The following CFAP47 variants were observed in gnomAD, a reference collection of about 807,000 sequenced individuals.
CFAP47 encodes cilia- and flagella-associated protein 47.
CFAP47 carries 29 observed loss-of-function variants against 148.1 expected under a neutral mutation model. The observed-to-expected ratio is 0.20, with a 90% CI of 0.15 to 0.27. The LOEUF is 0.27. Ranked by LOEUF, CFAP47 falls within the 10% of genes least tolerant of loss-of-function variation. The probability of loss-of-function intolerance (pLI) is 1.00; values close to 1 mark genes in which losing one functional copy is unlikely to be tolerated. For synonymous variants in CFAP47, 664 were observed against 577.3 expected, an observed-to-expected ratio of 1.15 and a Z score of -2.15; for missense variants, 1,872 against 1,697.5, an observed-to-expected ratio of 1.10 and a Z score of -1.81.
At chrX:35,958,868 A>G (rs1258445299) in intron 8 of CFAP47, among the ~76,000 whole-genome samples, 2 of 111,876 alleles carry the variant, frequency 1.8e-5, no homozygotes, top group Non-Finnish European at 3.8e-5. Flanking sequence ...TTCCAGGTGA[A>G]CCCTATATAC....
At chrX:36,356,843 G>T (rs1343726686) in intron 60 of CFAP47, among the ~76,000 whole-genome samples, 1 of 111,726 alleles carries the variant, frequency 9.0e-6, no homozygotes, top group Non-Finnish European at 1.9e-5. Context: ...TCACATACTT[G>T]TCTTCTCTCA....
chrX:36,348,288 G>A lies in CFAP47; in HGVS notation c.8603G>A (p.Ser2868Asn). The A allele has an allele frequency of 5.1e-6, 5 of 984,148 alleles. No homozygotes were observed. The highest frequency in any genetic ancestry group is 2.0e-5 in the African/African-American group (1 of 49,135). 81.1% of individuals were successfully genotyped at this position (984,148 alleles called of 1,213,427 possible). A position where few individuals can be genotyped will look rare whatever the true frequency, so the allele number is the denominator to read the frequency against. ...NFDELDIKFK[S>N]IVGIDSEEIQ... ...GATGAGTTGGATATAAAATTTAAAA[G>A]GTAACATTTAAATAAAGACATTGAA... The change falls in exon 58 of 64, where the codon AGT becomes AAT. Residue 2868 changes from serine (S) to asparagine (N), a missense_variant and splice_region_variant. Physicochemically the swap from Ser to Asn is conservative, Grantham distance 46. Transcript: ENST00000378653.
intron 45 of CFAP47, among the ~76,000 whole-genome samples, chrX:36,216,064 C>T (rs782282666): frequency 1.1e-4 from 12 of 111,228 alleles, no homozygotes; most frequent in East Asian, 5.7e-4. Flanking sequence ...CAGGGCTGGC[C>T]GCAGTGACAA....
intron 57 of CFAP47, among the ~76,000 whole-genome samples, chrX:36,325,341 C>T (rs1263693808): frequency 1.8e-5 from 2 of 111,243 alleles, no homozygotes; most frequent in African/African-American, 3.3e-5. Context: ...GGAGTTGTGC[C>T]CAAGAACTCA....
chrX:35,954,796 C>T (rs906579551), intron 7 of CFAP47, among the ~76,000 whole-genome samples: 2 of 111,906 alleles, frequency 1.8e-5, no homozygotes, highest in South Asian at 7.4e-4. Context: ...GTCCATTATT[C>T]TAATTATTCT....
chrX:36,043,752 G>T (rs1189113110), intron 25 of CFAP47, among the ~76,000 whole-genome samples: 2 of 112,477 alleles, frequency 1.8e-5, no homozygotes, highest in African/African-American at 6.5e-5. Flanking sequence ...GCTGTTGGTG[G>T]TTCTACCTTT....
intron 33 of CFAP47, among the ~76,000 whole-genome samples, chrX:36,125,555 T>A (rs773486858): frequency 1.8e-5 from 2 of 112,163 alleles, no homozygotes; most frequent in East Asian, 5.6e-4. Flanking sequence ...TAGCATTTTT[T>A]AATATAGAAA....
At chrX:36,036,358 C>A (rs1209233565) in intron 24 of CFAP47, among the ~76,000 whole-genome samples, 9 of 93,145 alleles carry the variant, frequency 9.7e-5, no homozygotes, top group Non-Finnish European at 1.4e-4. Context: ...TAGGTTCAAT[C>A]ATTTTTTTTT....
chrX:36,147,816 T>C (rs947145999), intron 36 of CFAP47, among the ~76,000 whole-genome samples: 3 of 112,483 alleles, frequency 2.7e-5, no homozygotes, highest in Non-Finnish European at 5.6e-5. Flanking sequence ...CCATACCTAC[T>C]GCTACTTTTT....
intron 33 of CFAP47, among the ~76,000 whole-genome samples, chrX:36,117,199 G>A (rs1938656143): frequency 8.9e-6 from 1 of 112,118 alleles, no homozygotes; most frequent in South Asian, 3.7e-4. Context: ...GTTGCGAACA[G>A]AGCTAAAACA....
At chrX:36,207,930 C>T (rs1352225382) in intron 45 of CFAP47, among the ~76,000 whole-genome samples, 1 of 111,885 alleles carries the variant, frequency 8.9e-6, no homozygotes, top group African/African-American at 3.3e-5. Context: ...AAACAAAATG[C>T]TCCGGGCTGG....
At chrX:36,123,549 C>G (rs772688336) in intron 33 of CFAP47, among the ~76,000 whole-genome samples, 1 of 111,688 alleles carries the variant, frequency 9.0e-6, no homozygotes, top group Non-Finnish European at 1.9e-5. Context: ...GGCAGAGGAG[C>G]CTTACCCTGT....
rs1556008310 is a variant in CFAP47, at chrX:36,303,899, A to C, written c.8021A>C (p.Lys2674Thr). The C allele has an allele frequency of 8.7e-7, 1 of 1,149,391 alleles. No homozygotes were observed. The highest frequency in any genetic ancestry group is 2.7e-5 in the Admixed American group (1 of 37,731). The allele number at this position is 1,149,391 out of a possible 1,213,427, so 94.7% of individuals were successfully genotyped here. ...PLVNCTHETLKLQVTNSNPEN... is the reference protein window; with the variant it reads ...PLVNCTHETLTLQVTNSNPEN... ...GTTAATTGTACGCATGAAACCTTAAAATTGCAAGTAACAAACAGTAATCCT... is the reference window on the plus strand; with the variant it reads ...GTTAATTGTACGCATGAAACCTTAACATTGCAAGTAACAAACAGTAATCCT... The change falls in exon 54 of 64, where the codon AAA becomes ACA. Residue 2674 changes from lysine to threonine, a missense_variant. Lys to Thr is a moderately conservative substitution (Grantham distance 78). Coordinates refer to ENST00000378653, the MANE Select transcript of CFAP47 (RefSeq NM_001304548.2).
chrX:36,065,808 A>T (rs2146753782), intron 27 of CFAP47, 65 bp downstream of exon 27: 6 of 578,884 alleles, frequency 1.0e-5, no homozygotes, highest in Non-Finnish European at 1.7e-5. Context: ...AACATCTAGA[A>T]ATAAAGTGAA....
chrX:36,342,754 A>G (rs1188215869), intron 57 of CFAP47, among the ~76,000 whole-genome samples: 2 of 112,003 alleles, frequency 1.8e-5, no homozygotes, highest in Admixed American at 1.9e-4. Context: ...ATTAGAAGAA[A>G]ACATGGGTAG....
At chrX:36,054,354 G>A (rs1937537375) in intron 26 of CFAP47, among the ~76,000 whole-genome samples, 1 of 112,158 alleles carries the variant, frequency 8.9e-6, no homozygotes. Flanking sequence ...TTAAATGTAT[G>A]CTTTATGCTT....
chrX:36,148,901 A>ATGTGTGTGTGTGTGTGTGTGTGTG (rs60968920), intron 36 of CFAP47, among the ~76,000 whole-genome samples: 4 of 92,266 alleles, frequency 4.3e-5, no homozygotes, highest in African/African-American at 1.6e-4. Flanking sequence ...AACTGTATGT[A>ATGTGTGTGTGTGTGTGTGTGTGTG]TGTGTGTGTG....
At chrX:36,353,985 TTTACTC>T (rs1941764719) in intron 60 of CFAP47, among the ~76,000 whole-genome samples, 1 of 111,915 alleles carries the variant, frequency 8.9e-6, no homozygotes, top group Admixed American at 9.5e-5. Flanking sequence ...GTTTTTTTCT[TTTACTC>T]TTTCTTTCTG....
intron 25 of CFAP47, among the ~76,000 whole-genome samples, chrX:36,044,709 C>T (rs1384117519): frequency 8.9e-6 from 1 of 111,783 alleles, no homozygotes; most frequent in Non-Finnish European, 1.9e-5. Flanking sequence ...TTCAACAAGA[C>T]TCTAGAAAGT....
Sources: allele counts gnomAD v4.1 joint callset (sites outside exome capture counted in the v4.1 genomes callset), GRCh38; gene constraint gnomAD v4.1.1; transcripts MANE v1.5; gene names NCBI Gene and HGNC (gene_info 2026-07-23, HGNC 2026-07-21).